Variants in ADAM10 observed in about 807,000 individuals in gnomAD.
The protein encoded by ADAM10 is ADAM metallopeptidase domain 10.
Under a neutral mutation model 90.1 loss-of-function variants are expected in ADAM10, and 17 were observed. The ratio of observed to expected loss-of-function variants is 0.19; its 90% CI spans 0.13 to 0.28. The LOEUF (loss-of-function observed/expected upper bound fraction) is 0.28, where lower values mean the gene tolerates loss of function less well. Among genes scored for constraint, ADAM10 ranks in the 10% least tolerant of loss-of-function variants. ADAM10 has a pLI of 1.00. For synonymous variants in ADAM10, 310 were observed against 298.6 expected (o/e 1.04, Z -0.40); for missense variants, 610 against 914.3 (o/e 0.67, Z 4.29).
intron 9 of ADAM10, 56 bp from the exon 10 acceptor site, chr15:58,627,939 C>G (rs1170059368): frequency 2.0e-6 from 3 of 1,532,330 alleles, no homozygotes; most frequent in Non-Finnish European, 2.7e-6. Flanking sequence ...GTTTTCAGGT[C>G]AACTGATTAA....
At chr15:58,643,842 A>G (rs1242499084) in intron 7 of ADAM10, 44 bp downstream of exon 7, 11 of 1,357,988 alleles carry the variant, frequency 8.1e-6, no homozygotes, top group African/African-American at 5.7e-5. Flanking sequence ...CATAGTCTGG[A>G]CTGTTTCACT....
intron 1 of ADAM10, among the ~76,000 whole-genome samples, chr15:58,718,354 T>G (rs1371300471): frequency 6.6e-6 from 1 of 152,186 alleles, no homozygotes; most frequent in East Asian, 1.9e-4. Flanking sequence ...TACTTGGTCA[T>G]GTTGTCAGAT....
intron 12 of ADAM10, 92 bp from the exon 13 acceptor site, chr15:58,611,199 T>C (rs1362771460): frequency 1.1e-6 from 1 of 874,190 alleles, no homozygotes; most frequent in East Asian, 2.5e-5. Context: ...GCTTCCAATG[T>C]CAAAATATTT....
At chr15:58,611,528 A>T in intron 12 of ADAM10, 1 of 363,976 alleles carries the variant, frequency 2.7e-6, no homozygotes. Context: ...TAGGCTACTG[A>T]AATATTATTT....
chr15:58,676,685 C>T (rs535329975), intron 4 of ADAM10, among the ~76,000 whole-genome samples: 1 of 152,190 alleles, frequency 6.6e-6, no homozygotes, highest in South Asian at 2.1e-4. Context: ...GGAGCAGTGG[C>T]TTATACCTGG....
chr15:58,691,458 T>C, intron 2 of ADAM10: 1 of 649,716 alleles, frequency 1.5e-6, no homozygotes, highest in South Asian at 1.4e-5. Context: ...GATGGACTTC[T>C]GTGCCTCCTT....
intron 13 of ADAM10, 104 bp from the exon 14 acceptor site, chr15:58,610,621 C>A (rs1334402079): frequency 4.5e-6 from 5 of 1,105,734 alleles, no homozygotes; most frequent in Admixed American, 3.9e-5. Context: ...AAACTGAAAT[C>A]ATTACCATAA....
intron 5 of ADAM10, among the ~76,000 whole-genome samples, chr15:58,653,399 G>A (rs1566981299): frequency 6.6e-6 from 1 of 152,010 alleles, no homozygotes; most frequent in East Asian, 1.9e-4. Flanking sequence ...CCTTCTATAC[G>A]CAATTTTTTG....
intron 2 of ADAM10, among the ~76,000 whole-genome samples, chr15:58,704,914 C>G (rs978906622): frequency 6.6e-6 from 1 of 152,136 alleles, no homozygotes; most frequent in Non-Finnish European, 1.5e-5. Context: ...GAATGCCTCT[C>G]AAGCATATGA....
At chr15:58,641,016 G>C (rs374532025) in intron 7 of ADAM10, 56 bp from the exon 8 acceptor site, 31 of 1,485,850 alleles carry the variant, frequency 2.1e-5, no homozygotes, top group South Asian at 1.7e-4. Context: ...GCTTTAGTGT[G>C]AATGTCTGCT....
chr15:58,692,684 C>A, intron 2 of ADAM10: 1 of 563,138 alleles, frequency 1.8e-6, no homozygotes. Flanking sequence ...TCAATGGGCT[C>A]ACCATGGTCA....
At chr15:58,740,393 C>T (rs959898487) in intron 1 of ADAM10, among the ~76,000 whole-genome samples, 7 of 148,672 alleles carry the variant, frequency 4.7e-5, no homozygotes, top group African/African-American at 1.0e-4. Context: ...TGGGCATCAG[C>T]GCGAGACTCT....
intron 14 of ADAM10, among the ~76,000 whole-genome samples, chr15:58,603,986 G>A (rs941665765): frequency 6.6e-6 from 1 of 150,852 alleles, no homozygotes; most frequent in African/African-American, 2.4e-5. Flanking sequence ...AAAATGTTTT[G>A]CAAAATTCAT....
At chr15:58,725,323 G>A (rs1433749469) in intron 1 of ADAM10, among the ~76,000 whole-genome samples, 4 of 146,698 alleles carry the variant, frequency 2.7e-5, no homozygotes, top group African/African-American at 1.0e-4. Context: ...TCAAGGCCAA[G>A]AAGTTCAAGA....
intron 1 of ADAM10, among the ~76,000 whole-genome samples, chr15:58,738,042 C>T (rs1208691720): frequency 6.6e-6 from 1 of 152,124 alleles, no homozygotes; most frequent in Non-Finnish European, 1.5e-5. Flanking sequence ...TACAGAAAAA[C>T]TCAATTACAA....
chr15:58,666,227 A>C (rs79755558), intron 4 of ADAM10, among the ~76,000 whole-genome samples: 4,243 of 149,608 alleles, frequency 0.028, 85 homozygotes, highest in Middle Eastern at 0.049. Context: ...TAATTACACC[A>C]CTGCATTCAC....
At chr15:58,747,552 G>C (rs1438450175) in intron 1 of ADAM10, 1 of 152,094 alleles carries the variant, frequency 6.6e-6, no homozygotes, top group African/African-American at 2.4e-5. Context: ...CAGATTAGTA[G>C]ATAAAAATAC....
intron 1 of ADAM10, among the ~76,000 whole-genome samples, chr15:58,743,925 C>T (rs1418403756): frequency 7.9e-5 from 12 of 152,138 alleles, no homozygotes; most frequent in African/African-American, 2.9e-4. Flanking sequence ...TTTCTTAATT[C>T]ACAATTTCTA....
intron 1 of ADAM10, chr15:58,747,219 G>A (rs1899820783): frequency 6.6e-6 from 1 of 152,134 alleles, no homozygotes; most frequent in African/African-American, 2.4e-5. Context: ...ATGGGGCTGT[G>A]CTGGAAATGG....
Sources: allele counts gnomAD v4.1 joint callset (sites outside exome capture counted in the v4.1 genomes callset), GRCh38; gene constraint gnomAD v4.1.1; transcripts MANE v1.5; gene names NCBI Gene and HGNC (gene_info 2026-07-23, HGNC 2026-07-21).